Variants in SMAD9 observed in about 807,000 individuals in gnomAD.
SMAD9 encodes SMAD family member 9.
SMAD9 carries 36 observed loss-of-function variants against 46.1 expected under a neutral mutation model. That is an observed-to-expected ratio of 0.78 (90% CI 0.60 to 1.03). SMAD9 has a LOEUF of 1.03. Among genes scored for constraint, SMAD9 ranks in the 50% least tolerant of loss-of-function variants. The pLI, the probability that SMAD9 is intolerant of heterozygous loss-of-function variation, is 0.00. For synonymous variants in SMAD9, 245 were observed against 237.1 expected (o/e 1.03, Z -0.31); for missense variants, 572 against 599.8 (o/e 0.95, Z 0.48).
intron 1 of SMAD9, among the ~76,000 whole-genome samples, 185 bp from the exon 2 acceptor site, chr13:36,880,060 G>A (rs1471334545): frequency 1.3e-5 from 2 of 152,148 alleles, no homozygotes; most frequent in African/African-American, 4.8e-5. Flanking sequence ...AGGCCCCAAA[G>A]TTGGATAGAA....
chr13:36,862,947 C>T (rs2058197007), intron 5 of SMAD9, among the ~76,000 whole-genome samples: 1 of 152,192 alleles, frequency 6.6e-6, no homozygotes, highest in Non-Finnish European at 1.5e-5. Flanking sequence ...ATCCAGGAAG[C>T]CTGCTCATGG....
intron 1 of SMAD9, among the ~76,000 whole-genome samples, chr13:36,899,650 A>G (rs977809284): frequency 2.0e-5 from 3 of 152,298 alleles, no homozygotes; most frequent in South Asian, 2.1e-4. Flanking sequence ...GGGAAGCACA[A>G]TATCAAAATG....
In SMAD9 at chr13:36,845,334, AAACAT is replaced by A. The variant is rs1593539027; in HGVS notation, c.*3337_*3341del. 6.6e-6 allele frequency: 1 copy of A among 150,782 alleles called. No homozygotes were observed. Among genetic ancestry groups the A allele is most frequent in the Admixed American group, 6.6e-5 (1 of 15,172 alleles). The allele number at this position is 150,782 out of a possible 1,614,324, so 9.3% of individuals were successfully genotyped here. A position where few individuals can be genotyped will look rare whatever the true frequency, so the allele number is the denominator to read the frequency against. ...ACTGAGTGTAAAACAAAACAAAACA[AAACAT>A]AAGGTATATGTGTTAAGTAGTGACA... On this transcript the variant is annotated 3_prime_UTR_variant, in exon 7 of 7. Transcript: ENST00000379826.
intron 5 of SMAD9, among the ~76,000 whole-genome samples, chr13:36,865,276 C>T (rs1000420151): frequency 3.3e-5 from 5 of 152,196 alleles, no homozygotes; most frequent in African/African-American, 9.7e-5. Flanking sequence ...TCATATTTAT[C>T]ATCTTGCTTG....
chr13:36,894,296 G>C (rs754955206), intron 1 of SMAD9, among the ~76,000 whole-genome samples: 21 of 152,078 alleles, frequency 1.4e-4, no homozygotes, highest in Non-Finnish European at 2.2e-4. Flanking sequence ...TCTTGGTAGT[G>C]AGTCTCATGA....
chr13:36,850,849 C>T (rs1346440400), intron 6 of SMAD9, among the ~76,000 whole-genome samples: 1 of 152,198 alleles, frequency 6.6e-6, no homozygotes, highest in Non-Finnish European at 1.5e-5. Context: ...ATGCAACGGA[C>T]ATCTCAATTA....
At chr13:36,880,084 C>A (rs891790444) in intron 1 of SMAD9, among the ~76,000 whole-genome samples, 1 of 152,170 alleles carries the variant, frequency 6.6e-6, no homozygotes, top group African/African-American at 2.4e-5. Context: ...AAAAAACATT[C>A]TTCAAATGTT....
intron 1 of SMAD9, among the ~76,000 whole-genome samples, chr13:36,911,632 G>GGGGGGGGT: frequency 1.7e-5 from 2 of 117,204 alleles, no homozygotes; most frequent in Non-Finnish European, 3.6e-5. Context: ...GGGGGGGGCG[G>GGGGGGGGT]GTGGAGTTCA....
At chr13:36,915,245 T>C (rs1020973932) in intron 1 of SMAD9, among the ~76,000 whole-genome samples, 2 of 152,136 alleles carry the variant, frequency 1.3e-5, no homozygotes, top group Non-Finnish European at 2.9e-5. Flanking sequence ...CAAGACCACA[T>C]GTATGCTATC....
chr13:36,919,680 C>A (rs2058726340), intron 1 of SMAD9, among the ~76,000 whole-genome samples: 1 of 151,484 alleles, frequency 6.6e-6, no homozygotes, highest in South Asian at 2.1e-4. Flanking sequence ...CGGGCCCCAG[C>A]CCCGACCCGA....
chr13:36,902,401 T>C (rs1035054078), intron 1 of SMAD9, among the ~76,000 whole-genome samples: 2 of 152,194 alleles, frequency 1.3e-5, no homozygotes, highest in South Asian at 2.1e-4. Flanking sequence ...TTTTGATTAC[T>C]GTATATTTGT....
At chr13:36,877,902 A>G (rs958184315) in intron 2 of SMAD9, among the ~76,000 whole-genome samples, 1 of 152,170 alleles carries the variant, frequency 6.6e-6, no homozygotes, top group African/African-American at 2.4e-5. Context: ...GAACCTGCCT[A>G]CGTAGACAGG....
chr13:36,863,547 G>A (rs1265642870), intron 5 of SMAD9, among the ~76,000 whole-genome samples: 8 of 152,258 alleles, frequency 5.3e-5, no homozygotes, highest in Non-Finnish European at 7.4e-5. Flanking sequence ...ATCTCATATC[G>A]AAATCTGATT....
intron 1 of SMAD9, among the ~76,000 whole-genome samples, chr13:36,899,837 T>C (rs1433498148): frequency 6.6e-6 from 1 of 152,248 alleles, no homozygotes; most frequent in East Asian, 1.9e-4. Context: ...TAGCCTTCTA[T>C]AGTCTCCCTG....
Position 36,865,610 on chromosome 13 carries a change from T to C in SMAD9, c.930A>G (p.Arg310=). The C allele has an allele frequency of 6.2e-7, 1 of 1,614,154 alleles. No individual in the cohort carries two copies. Among genetic ancestry groups the C allele is most frequent in the Non-Finnish European group, 8.5e-7 (1 of 1,179,988 alleles). ...CATTAGAAAGAAGTCCAAGACAGAA[T>C]CTGTTCCTGTTATTTGAAGGGTCGG... The part of the protein sequence containing the change: ...GFTDPSNNRN[R]FCLGLLSNVN... The change falls in exon 5 of 7, where the codon AGA becomes AGG. Residue 310 remains arginine, a synonymous_variant. Transcript: ENST00000379826.
chr13:36,873,678 C>T (rs1341524133), intron 2 of SMAD9, among the ~76,000 whole-genome samples: 1 of 152,268 alleles, frequency 6.6e-6, no homozygotes, highest in Middle Eastern at 3.4e-3. Context: ...GCCTAGCCAA[C>T]GTGGTGAAAC....
chr13:36,873,225 C>T (rs1310665748), intron 2 of SMAD9, among the ~76,000 whole-genome samples: 1 of 152,180 alleles, frequency 6.6e-6, no homozygotes, highest in African/African-American at 2.4e-5. Context: ...CTAAAGAGAC[C>T]TGCTCTTTAT....
chr13:36,899,629 T>C (rs2058557353), intron 1 of SMAD9, among the ~76,000 whole-genome samples: 2 of 152,034 alleles, frequency 1.3e-5, no homozygotes, highest in African/African-American at 4.8e-5. Context: ...GTGAGCTGGA[T>C]AGAGAGTTGG....
At chr13:36,886,297 CCT>C (rs1473760605) in intron 1 of SMAD9, among the ~76,000 whole-genome samples, 1 of 152,234 alleles carries the variant, frequency 6.6e-6, no homozygotes, top group Non-Finnish European at 1.5e-5. Context: ...GGGTGCGTCC[CCT>C]GACAAGGCGA....
Sources: gnomAD v4.1 joint callset for allele counts (sites outside exome capture counted in the v4.1 genomes callset) on GRCh38, gnomAD v4.1.1 for gene constraint, MANE v1.5 for transcripts, NCBI Gene and HGNC (gene_info 2026-07-23, HGNC 2026-07-21) for gene names.